Variants in NID1 observed in about 807,000 individuals in gnomAD.
The protein encoded by NID1 is nidogen-1.
NID1 carries 76 observed loss-of-function variants against 130.6 expected under a neutral mutation model. The ratio of observed to expected loss-of-function variants is 0.58; its 90% CI spans 0.48 to 0.70. The LOEUF is 0.70. Ranked by LOEUF, NID1 falls within the 30% of genes least tolerant of loss-of-function variation. NID1 has a pLI of 0.00. For missense variants in NID1, 1,517 were observed against 1,664.8 expected (o/e 0.91, Z 1.54); for synonymous variants, 665 against 675.1 (o/e 0.98, Z 0.23).
rs1659692038 is a variant in NID1 at position 236,049,002 on chromosome 1, A to G, written c.226-13T>C. ...CATTTGTGGTGACCTGTACAAAACC[A>G]AGTGTGGTTAAAAGGAATGCAGAAA... is the stretch of plus-strand genomic sequence containing the variant. On this transcript the variant is annotated splice_polypyrimidine_tract_variant and intron_variant, in intron 1 of 19. Coordinates refer to ENST00000264187, the MANE Select transcript of NID1 (RefSeq NM_002508.3). 1 of 1,607,440 alleles carries G rather than the reference A, an allele frequency of 6.2e-7. No homozygotes were observed. The highest frequency in any genetic ancestry group is 1.3e-5 in the African/African-American group (1 of 74,486).
chr1:236,000,219 AAAC>A (rs936856430), intron 12 of NID1, among the ~76,000 whole-genome samples: 3 of 152,024 alleles, frequency 2.0e-5, no homozygotes, highest in Admixed American at 6.6e-5. Context: ...ATCTCAATTA[AAAC>A]AACAACAACA....
chr1:236,055,437 T>G (rs1247914793), intron 1 of NID1, among the ~76,000 whole-genome samples: 1 of 151,820 alleles, frequency 6.6e-6, no homozygotes, highest in East Asian at 1.9e-4. Flanking sequence ...TACATGGGAG[T>G]TCATTATATT....
chr1:236,025,076 C>T (rs1209567210), intron 8 of NID1, among the ~76,000 whole-genome samples: 19 of 150,820 alleles, frequency 1.3e-4, no homozygotes, highest in Non-Finnish European at 4.4e-5. Context: ...TCAGCCGCCC[C>T]GAGTAGCTGG....
intron 12 of NID1, among the ~76,000 whole-genome samples, chr1:236,009,340 G>A (rs930701872): frequency 3.9e-5 from 6 of 152,178 alleles, no homozygotes; most frequent in South Asian, 4.1e-4. Context: ...TCAGCACGTC[G>A]ATCTCAGACT....
In NID1 at chr1:236,013,099, T is replaced by C. The variant is rs1184430799; in HGVS notation, c.2404+312A>G. Reference sequence around the variant, plus strand: ...CTTTAATCTCCATGCATGTCCTCCATGTAAAAGGACAGTTTGTCTCTTTGT... The same window carrying C: ...CTTTAATCTCCATGCATGTCCTCCACGTAAAAGGACAGTTTGTCTCTTTGT... On this transcript the variant is annotated intron_variant, in intron 11 of 19. Transcript: ENST00000264187. 2.6e-5 allele frequency among the ~76,000 whole-genome samples: 4 copies of C among 152,206 alleles called. No homozygotes were observed. The East Asian group carries it at 7.7e-4, about 29-fold the overall frequency.
intron 5 of NID1, among the ~76,000 whole-genome samples, chr1:236,037,775 T>C (rs548702811): frequency 6.6e-6 from 1 of 152,226 alleles, no homozygotes; most frequent in Non-Finnish European, 1.5e-5. Flanking sequence ...CATAAACAAT[T>C]CTTTGTCCAG....
At chr1:236,046,565 C>T (rs528970453) in intron 2 of NID1, among the ~76,000 whole-genome samples, 2 of 151,266 alleles carry the variant, frequency 1.3e-5, no homozygotes, top group South Asian at 2.1e-4. Context: ...AGGGAGAGGA[C>T]GTCCCAAACA....
At chr1:236,029,128 G>A (rs1659021769) in intron 7 of NID1, among the ~76,000 whole-genome samples, 1 of 151,466 alleles carries the variant, frequency 6.6e-6, no homozygotes, top group South Asian at 2.1e-4. Flanking sequence ...AGTGAGCTGA[G>A]ATCGCACCAC....
intron 12 of NID1, among the ~76,000 whole-genome samples, chr1:236,002,500 C>G (rs1658104667): frequency 7.3e-6 from 1 of 136,592 alleles, no homozygotes; most frequent in African/African-American, 2.8e-5. Context: ...GAGACTCTGT[C>G]TAAAAACAAA....
At chr1:236,002,309 C>T (rs960157105) in intron 12 of NID1, among the ~76,000 whole-genome samples, 3 of 152,174 alleles carry the variant, frequency 2.0e-5, no homozygotes, top group Admixed American at 2.0e-4. Flanking sequence ...TTGAGACCAG[C>T]CTGGCTAACA....
intron 5 of NID1, 131 bp downstream of exon 5, chr1:236,037,972 AT>A (rs958853994): frequency 9.9e-5 from 104 of 1,049,694 alleles, no homozygotes; most frequent in South Asian, 4.2e-4. Context: ...AAGAGAGACC[AT>A]GTATGGCTGC....
At chr1:236,017,340 T>TA in intron 9 of NID1, 67 bp from the exon 10 acceptor site, 1 of 1,538,972 alleles carries the variant, frequency 6.5e-7, no homozygotes, top group Non-Finnish European at 8.9e-7. Context: ...CTGACTATAA[T>TA]AAAATAGCAT....
chr1:236,048,791 A>T lies in NID1; in HGVS notation c.424T>A (p.Phe142Ile), dbSNP rs1184094157. 6.2e-7 allele frequency: 1 copy of T among 1,613,998 alleles called. No individual in the cohort carries two copies. The highest frequency in any genetic ancestry group is 8.5e-7 in the Non-Finnish European group (1 of 1,180,012). The change falls in exon 2 of 20, where the codon TTC (phenylalanine) becomes ATC (isoleucine). Residue 142 changes from phenylalanine to isoleucine, a missense_variant. Coordinates refer to ENST00000264187, the MANE Select transcript of NID1 (RefSeq NM_002508.3). ...QRAAECVHRG[F>I]PEISFQPSSA... The stretch of plus-strand genomic sequence containing the variant: ...CTAGGCTGGAAAGAGATCTCCGGGA[A>T]CCCTCTGTGGACACACTCTGCTGCT...
At chr1:236,055,261 A>AGTG (rs1659866297) in intron 1 of NID1, among the ~76,000 whole-genome samples, 1 of 151,868 alleles carries the variant, frequency 6.6e-6, no homozygotes, top group Non-Finnish European at 1.5e-5. Flanking sequence ...CCAAGACCAC[A>AGTG]CCACTGCACT....
chr1:236,042,458 G>A (rs1319039930), intron 3 of NID1, among the ~76,000 whole-genome samples, 166 bp from the exon 4 acceptor site: 1 of 152,168 alleles, frequency 6.6e-6, no homozygotes, highest in Non-Finnish European at 1.5e-5. Flanking sequence ...GCGTCATGTG[G>A]CTGAGGCAGT....
chr1:236,006,509 G>A (rs1374577495), intron 12 of NID1, among the ~76,000 whole-genome samples: 2 of 152,184 alleles, frequency 1.3e-5, no homozygotes, highest in Non-Finnish European at 2.9e-5. Flanking sequence ...GCAAGATCCA[G>A]ACTGTGGGAA....
intron 9 of NID1, among the ~76,000 whole-genome samples, chr1:236,019,980 T>C (rs908721257): frequency 7.1e-6 from 1 of 141,254 alleles, no homozygotes; most frequent in Non-Finnish European, 1.5e-5. Context: ...GAGGTTGCAG[T>C]GAGCCGAAAT....
chr1:235,996,351 G>A (rs890473612), intron 12 of NID1, among the ~76,000 whole-genome samples: 3 of 152,154 alleles, frequency 2.0e-5, no homozygotes, highest in Admixed American at 6.5e-5. Context: ...AGAAGAGACC[G>A]TCCACAAGGC....
intron 3 of NID1, among the ~76,000 whole-genome samples, chr1:236,043,846 G>C (rs984134123): frequency 6.6e-6 from 1 of 152,136 alleles, no homozygotes; most frequent in African/African-American, 2.4e-5. Context: ...TCCATTGGCT[G>C]TGAGATCTTG....
Sources: gnomAD v4.1 joint callset for allele counts (sites outside exome capture counted in the v4.1 genomes callset) on GRCh38, gnomAD v4.1.1 for gene constraint, MANE v1.5 for transcripts, NCBI Gene and HGNC (gene_info 2026-07-23, HGNC 2026-07-21) for gene names.